SOX5: variants seen among roughly 807,000 people sequenced by gnomAD.
SOX5 encodes the protein SRY-box transcription factor 5.
A neutral mutation model predicts 92.0 loss-of-function variants in SOX5; 9 were observed. The observed-to-expected ratio is 0.10, with a 90% CI of 0.06 to 0.17. The LOEUF is 0.17. Ranked by LOEUF, SOX5 falls within the 10% of genes least tolerant of loss-of-function variation. The pLI is 1.00. For missense variants in SOX5, 642 were observed against 944.5 expected, an observed-to-expected ratio of 0.68 and a Z score of 4.20; for synonymous variants, 344 against 336.3, an observed-to-expected ratio of 1.02 and a Z score of -0.25.
At chr12:23,685,400 A>G (rs1593268782) in intron 6 of SOX5, among the ~76,000 whole-genome samples, 1 of 152,098 alleles carries the variant, frequency 6.6e-6, no homozygotes, top group Non-Finnish European at 1.5e-5. Flanking sequence ...ACATAAAGAT[A>G]ACCCCTTAAA....
intron 4 of SOX5, among the ~76,000 whole-genome samples, chr12:23,959,803 AT>A (rs879792392): frequency 4.6e-5 from 7 of 152,212 alleles, no homozygotes; most frequent in Non-Finnish European, 7.4e-5. Context: ...TTCCATTATA[AT>A]GAAAAATGCA....
intron 14 of SOX5, 51 bp downstream of exon 14, chr12:23,536,402 A>T: frequency 7.4e-7 from 1 of 1,352,418 alleles, no homozygotes; most frequent in Non-Finnish European, 1.1e-6. Context: ...ACATCCCATT[A>T]AGTATAACAG....
chr12:24,113,902 T>A (rs577951895), intron 4 of SOX5, among the ~76,000 whole-genome samples: 2 of 152,246 alleles, frequency 1.3e-5, no homozygotes, highest in African/African-American at 4.8e-5. Context: ...TCAAATCCCC[T>A]CCCACTCACT....
At chr12:23,826,940 A>G (rs1021399046) in intron 3 of SOX5, among the ~76,000 whole-genome samples, 12 of 152,262 alleles carry the variant, frequency 7.9e-5, no homozygotes, top group African/African-American at 2.7e-4. Context: ...AGTAAATACC[A>G]TAATAGGAGC....
intron 2 of SOX5, among the ~76,000 whole-genome samples, chr12:24,335,988 TCCATA>T (rs1951847324): frequency 1.5e-5 from 2 of 131,362 alleles, no homozygotes; most frequent in African/African-American, 5.7e-5. Flanking sequence ...TATATATATA[TCCATA>T]ATATTAAATT....
intron 2 of SOX5, among the ~76,000 whole-genome samples, chr12:23,885,487 C>T (rs1020615634): frequency 1.3e-5 from 2 of 152,136 alleles, no homozygotes; most frequent in African/African-American, 4.8e-5. Context: ...GGAAGAGACA[C>T]TGAAGTAAAC....
chr12:24,521,758 C>T (rs1176018677), intron 1 of SOX5, among the ~76,000 whole-genome samples: 1 of 151,808 alleles, frequency 6.6e-6, no homozygotes, highest in Non-Finnish European at 1.5e-5. Context: ...TATCTTGAGA[C>T]AAACGAAAAT....
intron 6 of SOX5, among the ~76,000 whole-genome samples, chr12:23,690,897 T>C (rs2088657316): frequency 6.6e-6 from 1 of 152,238 alleles, no homozygotes; most frequent in Admixed American, 6.5e-5. Flanking sequence ...TCTGGTTGAC[T>C]TGTTCCAGTA....
In SOX5 at chr12:23,613,866, A is replaced by G. The variant is rs563280126; in HGVS notation, c.1018-9333T>C. Reference sequence around the variant, plus strand: ...ATGGTGGTTTTCAGGGGCTCAGGGGAGGGAGGAATTAGGAAGTTAGTGTTT... The same window carrying G: ...ATGGTGGTTTTCAGGGGCTCAGGGGGGGGAGGAATTAGGAAGTTAGTGTTT... On this transcript the variant is annotated intron_variant, in intron 8 of 14. Coordinates refer to ENST00000451604, the MANE Select transcript of SOX5 (RefSeq NM_006940.6). 8.4e-4 allele frequency among the ~76,000 whole-genome samples: 128 copies of G among 152,222 alleles called. 1 individual carries two copies. Among genetic ancestry groups the G allele is most frequent in the Non-Finnish European group, 1.2e-3 (81 of 68,002 alleles).
At chr12:23,674,406 C>T (rs1313741989) in intron 6 of SOX5, among the ~76,000 whole-genome samples, 1 of 134,904 alleles carries the variant, frequency 7.4e-6, no homozygotes, top group African/African-American at 2.8e-5. Flanking sequence ...AGCACGATCT[C>T]GGCTCTCTGC....
At chr12:24,012,105 T>G (rs1257768167) in intron 4 of SOX5, among the ~76,000 whole-genome samples, 1 of 136,704 alleles carries the variant, frequency 7.3e-6, no homozygotes, top group African/African-American at 2.6e-5. Flanking sequence ...CTTACAAAAT[T>G]TCATCAAATT....
chr12:24,470,018 A>G (rs1944635863), intron 1 of SOX5, among the ~76,000 whole-genome samples: 1 of 152,232 alleles, frequency 6.6e-6, no homozygotes, highest in Non-Finnish European at 1.5e-5. Context: ...ATATATTATA[A>G]ACTTTTAAAC....
At chr12:23,984,594 G>C (rs1480553945) in intron 4 of SOX5, among the ~76,000 whole-genome samples, 1 of 152,152 alleles carries the variant, frequency 6.6e-6, no homozygotes, top group South Asian at 2.1e-4. Context: ...AGTGAAGAGA[G>C]ACAGGATAGA....
Position 23,684,754 on chromosome 12 carries a change from C to T in SOX5, c.811-19190G>A, listed in dbSNP as rs181476177. ...AGTGATGGTAAAGGCTTCCCAACTGCGGGTGATCTCATCTGTCATTTAAAT... is the reference window on the plus strand; with the variant it reads ...AGTGATGGTAAAGGCTTCCCAACTGTGGGTGATCTCATCTGTCATTTAAAT... On this transcript the variant is annotated intron_variant, in intron 6 of 14. Transcript: ENST00000451604. 6.6e-3 allele frequency among the ~76,000 whole-genome samples: 1,012 copies of T among 152,220 alleles called. 7 individuals are homozygous for T. The highest frequency in any genetic ancestry group is 0.023 in the African/African-American group (940 of 41,546).
intron 3 of SOX5, among the ~76,000 whole-genome samples, chr12:23,838,823 T>A (rs2096469479): frequency 7.6e-6 from 1 of 131,662 alleles, no homozygotes; most frequent in Non-Finnish European, 1.6e-5. Flanking sequence ...CTTTTCTAAT[T>A]CCCAGTAGTT....
rs768157437 is a variant in SOX5, at chr12:24,355,282, C to CTTTTTTTTTT, written c.-174+13271_-174+13280dup. Among the ~76,000 whole-genome samples, 44 of 71,924 alleles carry CTTTTTTTTTT rather than the reference C, an allele frequency of 6.1e-4. 1 individual carries two copies. The highest frequency in any genetic ancestry group is 1.1e-3 in the East Asian group (2 of 1,846). The allele number at this position is 71,924 out of a possible 152,430, so 47.2% of individuals were successfully genotyped here. ...TTAGCAGGTGTGGTGAGGGGTGCAT[C>CTTTTTTTTTT]TTTTTTTTTTTTTTTTTTTTTTTTT... is the stretch of plus-strand genomic sequence containing the variant. On this transcript the variant is annotated intron_variant, in intron 2 of 4. Transcript: ENST00000446891.
At chr12:23,590,090 G>A (rs1951314966) in intron 9 of SOX5, among the ~76,000 whole-genome samples, 1 of 151,878 alleles carries the variant, frequency 6.6e-6, no homozygotes, top group Non-Finnish European at 1.5e-5. Context: ...ATTGCTAGTG[G>A]TGCTAAAAAA....
chr12:24,091,107 A>G (rs1944584289), intron 4 of SOX5, among the ~76,000 whole-genome samples: 2 of 152,226 alleles, frequency 1.3e-5, no homozygotes, highest in African/African-American at 4.8e-5. Flanking sequence ...AATTCAAAAA[A>G]ACAAACTTGT....
At chr12:24,450,473 TATTTA>T (rs1220815852) in intron 1 of SOX5, among the ~76,000 whole-genome samples, 1 of 134,724 alleles carries the variant, frequency 7.4e-6, no homozygotes, top group East Asian at 2.1e-4. Flanking sequence ...GTATTTATTT[TATTTA>T]TTTATTTATT....
Sources: allele counts gnomAD v4.1 joint callset (sites outside exome capture counted in the v4.1 genomes callset), GRCh38; gene constraint gnomAD v4.1.1; transcripts MANE v1.5; gene names NCBI Gene and HGNC (gene_info 2026-07-23, HGNC 2026-07-21).